The following SHISA9 variants were observed in gnomAD, a reference collection of about 807,000 sequenced individuals.
SHISA9 encodes the protein protein shisa-9.
SHISA9 carries 13 observed loss-of-function variants against 38.0 expected under a neutral mutation model. That is an observed-to-expected ratio of 0.34 (90% CI 0.22 to 0.54). The LOEUF (loss-of-function observed/expected upper bound fraction) is 0.54. Among genes scored for constraint, SHISA9 ranks in the 20% least tolerant of loss-of-function variants. SHISA9 has a pLI of 0.91. For synonymous variants in SHISA9, 275 were observed against 242.0 expected (o/e 1.14, Z -1.27); for missense variants, 538 against 575.8 (o/e 0.93, Z 0.67).
At chr16:13,297,686 A>G in the SHISA9 span, among the ~76,000 whole-genome samples, 1 of 152,224 alleles carries the variant, frequency 6.6e-6, no homozygotes, top group Non-Finnish European at 1.5e-5. Flanking sequence ...CTTGACAGTC[A>G]GAGAAAGAAG....
At chr16:13,263,633 A>G in the SHISA9 span, among the ~76,000 whole-genome samples, 3 of 152,170 alleles carry the variant, frequency 2.0e-5, no homozygotes, top group African/African-American at 7.2e-5. Flanking sequence ...ATTTTCTTAT[A>G]AATTATCCAG....
At chr16:13,350,975 C>A in the SHISA9 span, among the ~76,000 whole-genome samples, 5 of 152,166 alleles carry the variant, frequency 3.3e-5, no homozygotes, top group African/African-American at 1.2e-4. Flanking sequence ...CTAGAAAAAG[C>A]TTGCAGGTTT....
At chr16:13,422,622 A>G in the SHISA9 span, among the ~76,000 whole-genome samples, 1 of 152,126 alleles carries the variant, frequency 6.6e-6, no homozygotes, top group Non-Finnish European at 1.5e-5. Flanking sequence ...CTTGAACCTG[A>G]GAGGCGGAGG....
chr16:13,062,998 T>C (rs568447191), intron 2 of SHISA9, among the ~76,000 whole-genome samples: 33 of 152,044 alleles, frequency 2.2e-4, no homozygotes, highest in African/African-American at 7.7e-4. Flanking sequence ...CCTATCTCAG[T>C]TTCTTTTCTT....
At chr16:13,550,979 C>T in the SHISA9 span, among the ~76,000 whole-genome samples, 1 of 152,148 alleles carries the variant, frequency 6.6e-6, no homozygotes, top group African/African-American at 2.4e-5. Flanking sequence ...AAAAATTAGC[C>T]GGGCATGTTG....
the SHISA9 span, among the ~76,000 whole-genome samples, chr16:13,328,569 C>T: frequency 2.0e-5 from 3 of 150,594 alleles, no homozygotes; most frequent in African/African-American, 4.9e-5. Context: ...CCCACCACCA[C>T]GCCTGGCTAA....
intron 2 of SHISA9, among the ~76,000 whole-genome samples, chr16:13,120,410 C>G (rs372606731): frequency 8.7e-4 from 132 of 152,288 alleles, no homozygotes; most frequent in African/African-American, 3.1e-3. Flanking sequence ...CTGGTGACCC[C>G]TGTGCACCAC....
At chr16:13,160,094 G>T (rs1319155782) in intron 2 of SHISA9, among the ~76,000 whole-genome samples, 1 of 152,220 alleles carries the variant, frequency 6.6e-6, no homozygotes, top group Non-Finnish European at 1.5e-5. Context: ...AACTTTAAGT[G>T]TGGAGGTCAA....
chr16:13,071,793 A>G (rs1399351751), intron 2 of SHISA9, among the ~76,000 whole-genome samples: 1 of 149,578 alleles, frequency 6.7e-6, no homozygotes, highest in Non-Finnish European at 1.5e-5. Context: ...ATGCACCACC[A>G]TGCCCGGCTT....
At chr16:12,914,716 G>A (rs2071231715) in intron 1 of SHISA9, among the ~76,000 whole-genome samples, 1 of 152,106 alleles carries the variant, frequency 6.6e-6, no homozygotes, top group African/African-American at 2.4e-5. Context: ...TCATTCCATT[G>A]CCCCGTGATC....
At chr16:13,164,461 T>G (rs1202398164) in intron 2 of SHISA9, among the ~76,000 whole-genome samples, 1 of 152,098 alleles carries the variant, frequency 6.6e-6, no homozygotes, top group African/African-American at 2.4e-5. Context: ...TGTAATGTTT[T>G]TCTTTGTATC....
the SHISA9 span, among the ~76,000 whole-genome samples, chr16:13,370,410 T>A: frequency 6.6e-6 from 1 of 152,202 alleles, no homozygotes; most frequent in Non-Finnish European, 1.5e-5. Context: ...GACACACAGC[T>A]GTTTAGCAGT....
At position 12,905,986 on chromosome 16, in the gene SHISA9, T is replaced by C. The variant is rs145529635; in HGVS notation, c.563+3359T>C. Among the ~76,000 whole-genome samples the C allele has an allele frequency of 3.0e-3, 456 of 152,358 alleles. 2 individuals are homozygous for C. Among genetic ancestry groups the C allele is most frequent in the African/African-American group, 0.01 (435 of 41,590 alleles). On this transcript the variant is annotated intron_variant, in intron 1 of 4. Transcript: ENST00000558583. ...CCCCAGGTACCTGCCAAATGCATCC[T>C]GGGCTGCTTACGCAGTTAATCACTT...
downstream of SHISA9, among the ~76,000 whole-genome samples, chr16:13,243,947 T>C (rs1368437252): frequency 1.3e-5 from 2 of 151,920 alleles, no homozygotes; most frequent in African/African-American, 4.8e-5. Flanking sequence ...TAATTTTTTG[T>C]CTTTTAGTAG....
At chr16:13,362,811 G>A in the SHISA9 span, among the ~76,000 whole-genome samples, 1 of 152,094 alleles carries the variant, frequency 6.6e-6, no homozygotes, top group African/African-American at 2.4e-5. Flanking sequence ...CTCATACAGA[G>A]CCATTTAGCT....
At chr16:12,940,379 C>T (rs575029567) in intron 2 of SHISA9, among the ~76,000 whole-genome samples, 5 of 152,270 alleles carry the variant, frequency 3.3e-5, no homozygotes, top group Admixed American at 6.5e-5. Context: ...CCCCAGTCCA[C>T]ATTCCTTTCC....
the SHISA9 span, among the ~76,000 whole-genome samples, chr16:13,556,626 G>A: frequency 1.3e-5 from 2 of 152,138 alleles, no homozygotes; most frequent in African/African-American, 4.8e-5. Flanking sequence ...TCGCGCCATT[G>A]CACTCCAGCC....
intron 2 of SHISA9, among the ~76,000 whole-genome samples, chr16:13,198,531 T>C (rs1283386590): frequency 6.6e-6 from 1 of 152,200 alleles, no homozygotes; most frequent in Non-Finnish European, 1.5e-5. Flanking sequence ...TCACTCACCC[T>C]ATTGTTCTAG....
chr16:13,059,726 A>G (rs1038038346), intron 2 of SHISA9, among the ~76,000 whole-genome samples: 1 of 152,156 alleles, frequency 6.6e-6, no homozygotes, highest in Non-Finnish European at 1.5e-5. Context: ...ATATTATTAT[A>G]TAACCACATT....
Sources: allele counts gnomAD v4.1 joint callset (sites outside exome capture counted in the v4.1 genomes callset), GRCh38; gene constraint gnomAD v4.1.1; transcripts MANE v1.5; gene names NCBI Gene and HGNC (gene_info 2026-07-23, HGNC 2026-07-21).